Variants in NBDY observed in about 807,000 individuals in gnomAD.
NBDY encodes P-body dissociating protein.
chrX:56,816,875 A>G (rs888985772), intron 2 of NBDY, among the ~76,000 whole-genome samples: 13 of 111,465 alleles, frequency 1.2e-4, no homozygotes, highest in African/African-American at 4.2e-4. Context: ...GATTGTATTC[A>G]TGTATTTATT....
Position 56,748,983 on chromosome X carries a change from C to T in NBDY, c.*166+16784C>T, listed in dbSNP as rs113333401. Among the ~76,000 whole-genome samples, 501 of 107,845 alleles carry T rather than the reference C, an allele frequency of 4.6e-3. 4 individuals are homozygous for T. The highest frequency in any genetic ancestry group is 0.016 in the African/African-American group (470 of 29,658). 93.7% of individuals were successfully genotyped at this position (107,845 alleles called of 115,157 possible). A position where few individuals can be genotyped will look rare whatever the true frequency, so the allele number is the denominator to read the frequency against. On this transcript the variant is annotated intron_variant, in intron 2 of 2. Transcript: ENST00000374922. ...TTGCAGTTTTATTGACTTAAAGTAA[C>T]AAGAAAAGGGGTAGAGACTGAAGAT...
chrX:56,764,702 CAAAA>C (rs10623590), intron 2 of NBDY, among the ~76,000 whole-genome samples: 4 of 60,801 alleles, frequency 6.6e-5, no homozygotes, highest in East Asian at 5.8e-4. Context: ...AAACAAACAC[CAAAA>C]AAAAAAAAAA....
At chrX:56,796,158 G>A (rs1429583324) in intron 2 of NBDY, among the ~76,000 whole-genome samples, 1 of 111,885 alleles carries the variant, frequency 8.9e-6, no homozygotes, top group African/African-American at 3.3e-5. Context: ...TCAGGATGGG[G>A]TTGGGGTGGG....
At position 56,818,069 on chromosome X, in the gene NBDY, G is replaced by T. The variant is rs954809474; in HGVS notation, c.*916G>T. 1.8e-5 allele frequency: 2 copies of T among 110,909 alleles called. No homozygotes were observed. Among genetic ancestry groups the T allele is most frequent in the African/African-American group, 6.5e-5 (2 of 30,643 alleles). The allele number at this position is 110,909 out of a possible 1,213,427, so 9.1% of individuals were successfully genotyped here. ...TTTCATATAGTTCATAAATGTTTCA[G>T]GAATTACAAGGTTATAGAAAAAAAT... On this transcript the variant is annotated 3_prime_UTR_variant, in exon 3 of 3. Coordinates refer to ENST00000374922, the MANE Select transcript of NBDY (RefSeq NM_001348129.2).
chrX:56,791,886 CTTA>C (rs1295937605), intron 2 of NBDY, among the ~76,000 whole-genome samples: 2 of 109,883 alleles, frequency 1.8e-5, no homozygotes, highest in African/African-American at 3.3e-5. Context: ...CCTTCTTCTT[CTTA>C]TTGTTGTTGT....
chrX:56,740,114 T>C (rs1047001745), intron 2 of NBDY, among the ~76,000 whole-genome samples: 2 of 111,888 alleles, frequency 1.8e-5, no homozygotes, highest in African/African-American at 6.5e-5. Flanking sequence ...TTGGCTCCCC[T>C]GTCTTTTGAC....
At chrX:56,815,710 ATATT>A (rs1159954775) in intron 2 of NBDY, among the ~76,000 whole-genome samples, 1 of 112,266 alleles carries the variant, frequency 8.9e-6, no homozygotes, top group Admixed American at 9.5e-5. Flanking sequence ...TATTTTTAAA[ATATT>A]TAAGTTTATG....
chrX:56,765,496 C>T (rs2069660836), intron 2 of NBDY, among the ~76,000 whole-genome samples: 1 of 111,824 alleles, frequency 8.9e-6, no homozygotes, highest in African/African-American at 3.3e-5. Context: ...ATCAACAAGA[C>T]GCTTCCTGGT....
intron 2 of NBDY, among the ~76,000 whole-genome samples, chrX:56,736,318 G>A (rs970248030): frequency 8.9e-6 from 1 of 111,885 alleles, no homozygotes; most frequent in African/African-American, 3.2e-5. Context: ...AGGCTGAAGT[G>A]CAGTGGCGCA....
chrX:56,756,381 C>G (rs1161072510), intron 2 of NBDY, among the ~76,000 whole-genome samples: 2 of 106,387 alleles, frequency 1.9e-5, no homozygotes, highest in East Asian at 5.8e-4. Flanking sequence ...TTAAAAGATC[C>G]ATTTGGAAAA....
chrX:56,734,986 A>G (rs767653653), intron 2 of NBDY, among the ~76,000 whole-genome samples: 3 of 112,197 alleles, frequency 2.7e-5, no homozygotes, highest in Non-Finnish European at 5.6e-5. Context: ...AAAGCACTAC[A>G]CAGTGAGCAA....
At chrX:56,749,736 C>T (rs918141935) in intron 2 of NBDY, among the ~76,000 whole-genome samples, 7 of 108,787 alleles carry the variant, frequency 6.4e-5, no homozygotes, top group Admixed American at 9.8e-5. Context: ...ACTGCAGCCT[C>T]GACCTCCCGG....
At chrX:56,795,931 C>A (rs1481132439) in intron 2 of NBDY, among the ~76,000 whole-genome samples, 1 of 111,636 alleles carries the variant, frequency 9.0e-6, no homozygotes, top group Non-Finnish European at 1.9e-5. Context: ...CCCATTATGT[C>A]TCAACTTTTT....
Position 56,806,715 on chromosome X carries a change from C to G in NBDY, c.*167-10605C>G, listed in dbSNP as rs769464951. 3.6e-5 allele frequency among the ~76,000 whole-genome samples: 4 copies of G among 111,739 alleles called. No individual in the cohort carries two copies. The South Asian group carries it at 1.5e-3, about 43-fold the overall frequency. On this transcript the variant is annotated intron_variant, in intron 2 of 2. Coordinates refer to ENST00000374922, the MANE Select transcript of NBDY (RefSeq NM_001348129.2). ...GTTCTTTGTAGATTCTGGATATTAGCCCTTTGTCAGATGGGTAGATTGCAA... is the reference window on the plus strand; with the variant it reads ...GTTCTTTGTAGATTCTGGATATTAGGCCTTTGTCAGATGGGTAGATTGCAA...
In NBDY at chrX:56,814,918, AATAGAGAATATATTTTTGGAAT is replaced by A. The variant is rs752845094; in HGVS notation, c.*167-2398_*167-2377del. ...CATATTTTATGTGTCATTAATAGCT[AATAGAGAATATATTTTTGGAAT>A]ATATATTTAACCTTTACTTCATTCT... On this transcript the variant is annotated intron_variant, in intron 2 of 2. Coordinates refer to ENST00000374922, the MANE Select transcript of NBDY (RefSeq NM_001348129.2). Among the ~76,000 whole-genome samples, 20 of 111,038 alleles carry A rather than the reference AATAGAGAATATATTTTTGGAAT, an allele frequency of 1.8e-4. No homozygotes were observed. The East Asian group carries it at 4.2e-3, about 23-fold the overall frequency.
intron 2 of NBDY, among the ~76,000 whole-genome samples, chrX:56,749,139 G>A (rs761802272): frequency 2.5e-4 from 27 of 109,906 alleles, no homozygotes; most frequent in Non-Finnish European, 4.6e-4. Context: ...ACTCAATGGA[G>A]GTAGTATAAT....
intron 2 of NBDY, among the ~76,000 whole-genome samples, chrX:56,783,844 G>A (rs759310232): frequency 8.9e-6 from 1 of 112,681 alleles, no homozygotes; most frequent in East Asian, 2.8e-4. Flanking sequence ...CACACACAAA[G>A]CGAAGAAACA....
intron 2 of NBDY, among the ~76,000 whole-genome samples, chrX:56,756,361 T>TA (rs752233784): frequency 3.5e-4 from 37 of 105,162 alleles, no homozygotes; most frequent in Non-Finnish European, 7.0e-4. Context: ...CACAGCTAAA[T>TA]AAAAAACAAT....
intron 2 of NBDY, among the ~76,000 whole-genome samples, chrX:56,755,017 C>T (rs2069602478): frequency 9.0e-6 from 1 of 111,161 alleles, no homozygotes; most frequent in Non-Finnish European, 1.9e-5. Flanking sequence ...TTTGACAAAC[C>T]TAACAAAAAC....
Sources: allele counts gnomAD v4.1 joint callset (sites outside exome capture counted in the v4.1 genomes callset), GRCh38; gene constraint gnomAD v4.1.1; transcripts MANE v1.5; gene names NCBI Gene and HGNC (gene_info 2026-07-23, HGNC 2026-07-21).